Variants in RIMS1 observed in about 807,000 individuals in gnomAD.
The protein encoded by RIMS1 is regulating synaptic membrane exocytosis protein 1.
Under a neutral mutation model 214.1 loss-of-function variants are expected in RIMS1, and 83 were observed. The observed-to-expected ratio is 0.39, with a 90% CI of 0.32 to 0.47. The LOEUF (loss-of-function observed/expected upper bound fraction) is 0.47, where lower values mean the gene tolerates loss of function less well. Ranked by LOEUF, RIMS1 falls within the 20% of genes least tolerant of loss-of-function variation. The probability of loss-of-function intolerance (pLI) is 0.99; values close to 1 mark genes in which losing one functional copy is unlikely to be tolerated. For missense variants in RIMS1, 2,050 were observed against 2,161.8 expected, an observed-to-expected ratio of 0.95 and a Z score of 1.03; for synonymous variants, 793 against 786.8, an observed-to-expected ratio of 1.01 and a Z score of -0.13.
intron 4 of RIMS1, among the ~76,000 whole-genome samples, chr6:72,170,855 C>T (rs1443063034): frequency 6.6e-6 from 1 of 152,052 alleles, no homozygotes; most frequent in Non-Finnish European, 1.5e-5. Context: ...TTTGAAGACA[C>T]ATCAGCAATA....
chr6:72,351,900 AT>A (rs898420651), intron 29 of RIMS1, among the ~76,000 whole-genome samples: 42 of 152,226 alleles, frequency 2.8e-4, no homozygotes, highest in African/African-American at 1.0e-3. Flanking sequence ...GCACACCACT[AT>A]TTTTCATCTT....
intron 6 of RIMS1, among the ~76,000 whole-genome samples, chr6:72,204,260 G>C (rs1300492410): frequency 6.6e-6 from 1 of 152,188 alleles, no homozygotes; most frequent in Non-Finnish European, 1.5e-5. Context: ...TCAGAGTCTT[G>C]AGGATCATAC....
At chr6:72,338,951 G>A (rs1468339440) in intron 29 of RIMS1, among the ~76,000 whole-genome samples, 1 of 151,772 alleles carries the variant, frequency 6.6e-6, no homozygotes, top group Non-Finnish European at 1.5e-5. Flanking sequence ...ACATCTATGT[G>A]GTTAGTACAT....
chr6:72,123,801 T>G (rs1003290568), intron 4 of RIMS1, among the ~76,000 whole-genome samples: 1 of 151,572 alleles, frequency 6.6e-6, no homozygotes, highest in African/African-American at 2.4e-5. Flanking sequence ...CAACCCCTGC[T>G]TTTTTTTGTT....
intron 1 of RIMS1, among the ~76,000 whole-genome samples, chr6:71,928,193 C>T (rs1052664985): frequency 2.0e-5 from 3 of 152,120 alleles, no homozygotes; most frequent in African/African-American, 7.2e-5. Flanking sequence ...TTTATACGTA[C>T]ATCTTTGTAT....
At chr6:71,895,441 G>A (rs960126135) in intron 1 of RIMS1, among the ~76,000 whole-genome samples, 3 of 152,098 alleles carry the variant, frequency 2.0e-5, no homozygotes, top group African/African-American at 7.2e-5. Flanking sequence ...TTGGGAGGCT[G>A]AGAAGGGCGT....
chr6:72,384,978 T>C (rs1329001405), intron 29 of RIMS1, among the ~76,000 whole-genome samples: 1 of 152,186 alleles, frequency 6.6e-6, no homozygotes, highest in East Asian at 1.9e-4. Context: ...TATGACATCT[T>C]TTGGAATACT....
At chr6:72,104,567 T>G (rs966218381) in intron 4 of RIMS1, among the ~76,000 whole-genome samples, 1 of 152,116 alleles carries the variant, frequency 6.6e-6, no homozygotes, top group African/African-American at 2.4e-5. Context: ...CTGGGACTGA[T>G]ACTGTAGTCT....
chr6:72,129,690 G>A (rs1396691262), intron 4 of RIMS1, among the ~76,000 whole-genome samples: 1 of 151,814 alleles, frequency 6.6e-6, no homozygotes, highest in African/African-American at 2.4e-5. Context: ...GACCCTATGT[G>A]ATTTACTTCT....
chr6:72,249,977 A>G (rs1179881979), intron 12 of RIMS1, among the ~76,000 whole-genome samples: 4 of 152,100 alleles, frequency 2.6e-5, no homozygotes, highest in Admixed American at 2.6e-4. Flanking sequence ...AGACACATAT[A>G]ATCTTCAAAC....
At chr6:71,993,441 T>C (rs1289106337) in intron 2 of RIMS1, among the ~76,000 whole-genome samples, 1 of 152,214 alleles carries the variant, frequency 6.6e-6, no homozygotes, top group Non-Finnish European at 1.5e-5. Context: ...GGAACATTGC[T>C]ATTTTGGTGT....
chr6:72,179,175 T>A (rs1220656984), intron 4 of RIMS1, among the ~76,000 whole-genome samples: 3 of 152,228 alleles, frequency 2.0e-5, no homozygotes, highest in African/African-American at 7.2e-5. Flanking sequence ...ATTTACGTAC[T>A]GATTCTGTAG....
intron 2 of RIMS1, among the ~76,000 whole-genome samples, chr6:71,975,431 G>T (rs1796893955): frequency 6.6e-6 from 1 of 152,148 alleles, no homozygotes; most frequent in South Asian, 2.1e-4. Flanking sequence ...GATAGCCAAG[G>T]AAAAACTATG....
At chr6:72,105,085 T>C (rs910246240) in intron 4 of RIMS1, among the ~76,000 whole-genome samples, 1 of 150,670 alleles carries the variant, frequency 6.6e-6, no homozygotes, top group Non-Finnish European at 1.5e-5. Flanking sequence ...TGTGTCTGGC[T>C]AATTAAAAAA....
At chr6:72,280,244 T>G (rs2089390002) in intron 23 of RIMS1, among the ~76,000 whole-genome samples, 1 of 151,978 alleles carries the variant, frequency 6.6e-6, no homozygotes, top group African/African-American at 2.4e-5. Flanking sequence ...CAGACACAAT[T>G]CCTGACCACA....
intron 1 of RIMS1, among the ~76,000 whole-genome samples, chr6:71,899,668 C>G (rs1325192742): frequency 6.6e-6 from 1 of 152,092 alleles, no homozygotes. Flanking sequence ...ACTTGCATTA[C>G]CTTTTGCACC....
chr6:72,079,187 G>T (rs796704588), intron 2 of RIMS1, among the ~76,000 whole-genome samples: 5 of 152,244 alleles, frequency 3.3e-5, no homozygotes, highest in African/African-American at 1.2e-4. Context: ...AACAAAAAGA[G>T]GTTGAAGGAA....
At chr6:72,001,745 A>T (rs1342077200) in intron 2 of RIMS1, among the ~76,000 whole-genome samples, 1 of 152,140 alleles carries the variant, frequency 6.6e-6, no homozygotes, top group Non-Finnish European at 1.5e-5. Context: ...CAGTATAAAT[A>T]GTTTTCTAGG....
At chr6:72,237,995 G>T in intron 9 of RIMS1, 73 bp downstream of exon 9, 1 of 1,063,410 alleles carries the variant, frequency 9.4e-7, no homozygotes. Context: ...TTTTCAATTT[G>T]GGGTTAGTTT....
Sources: allele counts gnomAD v4.1 joint callset (sites outside exome capture counted in the v4.1 genomes callset), GRCh38; gene constraint gnomAD v4.1.1; transcripts MANE v1.5; gene names NCBI Gene and HGNC (gene_info 2026-07-23, HGNC 2026-07-21).